AVEN: variants seen among roughly 807,000 people sequenced by gnomAD.
AVEN encodes the protein apoptosis and caspase activation inhibitor.
Under a neutral mutation model 38.1 loss-of-function variants are expected in AVEN, and 41 were observed. That is an observed-to-expected ratio of 1.08 (90% CI 0.84 to 1.40). The LOEUF (loss-of-function observed/expected upper bound fraction) is 1.40. AVEN is among the 40% of genes most tolerant of loss of function. The pLI, the probability that AVEN is intolerant of heterozygous loss-of-function variation, is 0.00. For missense variants in AVEN, 605 were observed against 438.8 expected, an observed-to-expected ratio of 1.38 and a Z score of -3.38; for synonymous variants, 206 against 171.8, an observed-to-expected ratio of 1.20 and a Z score of -1.56.
intron 2 of AVEN, among the ~76,000 whole-genome samples, chr15:33,936,365 A>G (rs934528349): frequency 6.6e-6 from 1 of 152,236 alleles, no homozygotes; most frequent in African/African-American, 2.4e-5. Context: ...GATGACTAGA[A>G]AGCATAATTG....
Position 34,063,505 on chromosome 15 carries a change from A to T in AVEN, n.1127-73T>A. 1.2e-6 allele frequency: 2 copies of T among 1,613,768 alleles called. No homozygotes were observed. The highest frequency in any genetic ancestry group is 1.7e-6 in the Non-Finnish European group (2 of 1,180,026). ...CGCTGTCCTCGACCCACCCTGGCCC[A>T]GCGGGAAAGGAACCAGGCCTCCTGG... On this transcript the variant is annotated intron_variant and non_coding_transcript_variant, in intron 4 of 11. Coordinates refer to the AVEN transcript ENST00000675287. This position sits in a 1 kb window ranked among gnomAD's most constrained non-coding sequence, Gnocchi z 4.1.
At chr15:33,986,039 A>T (rs1896436340) in intron 2 of AVEN, among the ~76,000 whole-genome samples, 1 of 152,130 alleles carries the variant, frequency 6.6e-6, no homozygotes, top group African/African-American at 2.4e-5. Context: ...GATTCTATTA[A>T]GTTGATTTTT....
chr15:33,853,203 C>G, the AVEN span: 1 of 1,015,626 alleles, frequency 9.8e-7, no homozygotes, highest in Non-Finnish European at 1.4e-6. Context: ...GATAATATCT[C>G]AAGAAGAGTA....
intron 2 of AVEN, among the ~76,000 whole-genome samples, chr15:33,968,224 C>T: frequency 6.7e-6 from 1 of 149,898 alleles, no homozygotes; most frequent in Non-Finnish European, 1.5e-5. Flanking sequence ...CTTTTTCCTC[C>T]CAAAATACGT....
chr15:33,937,094 G>A (rs1410322796), intron 2 of AVEN, among the ~76,000 whole-genome samples: 1 of 131,960 alleles, frequency 7.6e-6, no homozygotes, highest in Non-Finnish European at 1.5e-5. Flanking sequence ...TCGCGCCACT[G>A]CCCTTCAGCC....
At chr15:33,985,076 G>C (rs517078) in intron 2 of AVEN, among the ~76,000 whole-genome samples, 2 of 151,874 alleles carry the variant, frequency 1.3e-5, no homozygotes, top group Non-Finnish European at 2.9e-5. Flanking sequence ...ACACTGAACT[G>C]TATTTGTTGG....
At chr15:33,908,791 A>C (rs1319084282) in intron 2 of AVEN, among the ~76,000 whole-genome samples, 1 of 152,226 alleles carries the variant, frequency 6.6e-6, no homozygotes, top group African/African-American at 2.4e-5. Flanking sequence ...TATTTTAAAA[A>C]GACAAATAAT....
At chr15:33,888,255 A>T (rs1891783356) in intron 2 of AVEN, among the ~76,000 whole-genome samples, 1 of 152,210 alleles carries the variant, frequency 6.6e-6, no homozygotes. Context: ...TCACATAAAT[A>T]AGCAGTTACA....
chr15:33,969,920 T>C (rs916599488), intron 2 of AVEN, among the ~76,000 whole-genome samples: 2 of 152,006 alleles, frequency 1.3e-5, no homozygotes, highest in South Asian at 4.1e-4. Flanking sequence ...TAGAAATCAC[T>C]GCATAATGAG....
intron 2 of AVEN, among the ~76,000 whole-genome samples, chr15:33,987,177 A>G (rs1896512585): frequency 1.3e-5 from 2 of 152,212 alleles, no homozygotes; most frequent in African/African-American, 4.8e-5. Context: ...TTATGTGAGG[A>G]TATTCTTTCC....
chr15:33,915,949 A>G (rs1265170980), intron 2 of AVEN, among the ~76,000 whole-genome samples: 2 of 152,128 alleles, frequency 1.3e-5, no homozygotes, highest in Non-Finnish European at 2.9e-5. Context: ...TGAAGCAGCC[A>G]TAATTCTCCT....
At chr15:33,902,325 T>C (rs1335225787) in intron 2 of AVEN, among the ~76,000 whole-genome samples, 1 of 152,084 alleles carries the variant, frequency 6.6e-6, no homozygotes, top group African/African-American at 2.4e-5. Flanking sequence ...GAATGAAAGA[T>C]TTAAAAACCC....
intron 2 of AVEN, among the ~76,000 whole-genome samples, chr15:33,955,787 C>T (rs1247855283): frequency 6.6e-6 from 1 of 152,184 alleles, no homozygotes; most frequent in Non-Finnish European, 1.5e-5. Flanking sequence ...AAGGGAGACA[C>T]AAGCATGACT....
At chr15:34,025,128 C>T (rs1373838799) in intron 1 of AVEN, among the ~76,000 whole-genome samples, 1 of 152,014 alleles carries the variant, frequency 6.6e-6, no homozygotes. Context: ...AGAGATCGCA[C>T]CACTGCACTC....
chr15:33,911,729 A>G (rs1351401892), intron 2 of AVEN, among the ~76,000 whole-genome samples: 1 of 152,220 alleles, frequency 6.6e-6, no homozygotes, highest in Non-Finnish European at 1.5e-5. Flanking sequence ...GTCATTGTGT[A>G]TATTTGTCTA....
Position 34,011,423 on chromosome 15 carries a change from T to C in AVEN, c.268-8214A>G, listed in dbSNP as rs905780283. On this transcript the variant is annotated intron_variant, in intron 1 of 5. Coordinates refer to ENST00000306730, the MANE Select transcript of AVEN (RefSeq NM_020371.3). ...TATTTGAAAAAATTAATAAATGCAG[T>C]ATATGGCATATATGTGAATTATCTC... 1.1e-4 allele frequency among the ~76,000 whole-genome samples: 16 copies of C among 152,340 alleles called. 1 individual carries two copies. In the East Asian group the frequency reaches 2.7e-3, roughly 26 times the overall value.
chr15:33,864,880 T>C (rs537641706), downstream of AVEN: 70 of 447,892 alleles, frequency 1.6e-4, no homozygotes, highest in African/African-American at 7.0e-4. Flanking sequence ...CAAACATTGA[T>C]TGGTTTCAGT....
At chr15:33,869,252 G>T (rs1890834519) in intron 4 of AVEN, among the ~76,000 whole-genome samples, 1 of 152,154 alleles carries the variant, frequency 6.6e-6, no homozygotes, top group Admixed American at 6.5e-5. Context: ...ATTCTAATGT[G>T]CAAACAAGGT....
chr15:33,870,854 C>A, intron 4 of AVEN, 81 bp downstream of exon 4: 1 of 957,630 alleles, frequency 1.0e-6, no homozygotes, highest in Non-Finnish European at 1.6e-6. Context: ...GACACTGAGA[C>A]ATCCTGCTGA....
Sources: gnomAD v4.1 joint callset for allele counts (sites outside exome capture counted in the v4.1 genomes callset) on GRCh38, gnomAD v4.1.1 for gene constraint, Gnocchi (gnomAD v3.1) non-coding constraint, MANE v1.5 for transcripts, NCBI Gene and HGNC (gene_info 2026-07-23, HGNC 2026-07-21) for gene names.